ACSL5: variants seen among roughly 807,000 people sequenced by gnomAD.
ACSL5 encodes long-chain-fatty-acid--CoA ligase 5.
Under a neutral mutation model 84.9 loss-of-function variants are expected in ACSL5, and 50 were observed. That is an observed-to-expected ratio of 0.59 (90% CI 0.47 to 0.75). The LOEUF (loss-of-function observed/expected upper bound fraction) is 0.75, where lower values mean the gene tolerates loss of function less well. ACSL5 is among the 30% of genes least tolerant of loss of function. The pLI is 0.00. For missense variants in ACSL5, 775 were observed against 830.4 expected (o/e 0.93, Z 0.82); for synonymous variants, 280 against 300.7 (o/e 0.93, Z 0.71).
chr10:112,388,101 GCTAA>G (rs1362693777), intron 1 of ACSL5, among the ~76,000 whole-genome samples: 1 of 152,076 alleles, frequency 6.6e-6, no homozygotes, highest in Non-Finnish European at 1.5e-5. Context: ...ACCAAGCCCA[GCTAA>G]CTTTTTGTAT....
At chr10:112,424,348 T>A (rs1844588923) in intron 17 of ACSL5, 1 of 152,242 alleles carries the variant, frequency 6.6e-6, no homozygotes, top group African/African-American at 2.4e-5. Context: ...AACTTAAAAC[T>A]CCTTTCTTGC....
In ACSL5 at chr10:112,398,779, C is replaced by T. The variant is rs554892726; in HGVS notation, c.157-122C>T. 1.7e-4 allele frequency: 126 copies of T among 750,542 alleles called. No homozygotes were observed. The African/African-American group carries it at 1.8e-3, about 11-fold the overall frequency. 46.5% of individuals were successfully genotyped at this position (750,542 alleles called of 1,614,324 possible). A position where few individuals can be genotyped will look rare whatever the true frequency, so the allele number is the denominator to read the frequency against. On this transcript the variant is annotated intron_variant, in intron 2 of 20. Coordinates refer to ENST00000354655, the MANE Select transcript of ACSL5 (RefSeq NM_203379.2). ...GGATTTTTAAAAATCAATTGACTAG[C>T]GAAGAGAACATTCCCGTGACCTCAA...
chr10:112,420,534 C>G (rs964281981), intron 14 of ACSL5, among the ~76,000 whole-genome samples: 2 of 152,164 alleles, frequency 1.3e-5, no homozygotes, highest in South Asian at 2.1e-4. Flanking sequence ...TAAAGTTTGC[C>G]CACCCTTGTT....
At chr10:112,387,936 CTTTTTTTTTT>C (rs35032191) in intron 1 of ACSL5, among the ~76,000 whole-genome samples, 1 of 118,448 alleles carries the variant, frequency 8.4e-6, no homozygotes, top group Admixed American at 1.0e-4. Flanking sequence ...TTATTTGTTC[CTTTTTTTTTT>C]TTTTTTTTTG....
At chr10:112,422,106 T>G (rs1428314228) in intron 16 of ACSL5, 71 bp downstream of exon 16, 1 of 1,540,110 alleles carries the variant, frequency 6.5e-7, no homozygotes, top group African/African-American at 1.4e-5. Flanking sequence ...CAAATAATTG[T>G]AAGCAAACTT....
chr10:112,384,683 T>C (rs911019897), intron 1 of ACSL5, among the ~76,000 whole-genome samples: 1 of 152,096 alleles, frequency 6.6e-6, no homozygotes, highest in Non-Finnish European at 1.5e-5. Flanking sequence ...AATTTTTGTA[T>C]TTTTTGTAGA....
chr10:112,398,915 G>A lies in ACSL5; in HGVS notation c.171G>A (p.Lys57=). The A allele has an allele frequency of 6.2e-7, 1 of 1,614,032 alleles. No homozygotes were observed. ...QSVGIEGGAR[K]GVSQKNNDLT... is the part of the protein sequence containing the mutation. ...TTGTGTCTTAGGGAGGAGCACGGAA[G>A]GGGGTTTCCCAGAAGAACAATGACC... Residue 57 remains lysine (K), a synonymous_variant, in exon 3 of 21, where the codon AAG becomes AAA. Coordinates refer to ENST00000354655, the MANE Select transcript of ACSL5 (RefSeq NM_203379.2).
intron 1 of ACSL5, among the ~76,000 whole-genome samples, chr10:112,381,179 C>T (rs2133562652): frequency 6.6e-6 from 1 of 152,300 alleles, no homozygotes; most frequent in South Asian, 2.1e-4. Context: ...TAATGTGCTC[C>T]AGTCTGCACT....
intron 1 of ACSL5, among the ~76,000 whole-genome samples, chr10:112,393,643 T>C (rs1024014603): frequency 1.3e-5 from 2 of 152,248 alleles, no homozygotes; most frequent in African/African-American, 4.8e-5. Context: ...ATGTGTGGCC[T>C]CATCTCTGAG....
In ACSL5 at chr10:112,418,474, C is replaced by T. The variant is rs553602136; in HGVS notation, c.1314+533C>T. On this transcript the variant is annotated intron_variant, in intron 14 of 20. Coordinates refer to ENST00000354655, the MANE Select transcript of ACSL5 (RefSeq NM_203379.2). ...GTGGGCGCCTGTAGTCCCAGCTACT[C>T]GGGAGGCTGAGGCGGGAGAATGGCG... is the stretch of plus-strand genomic sequence containing the variant. Among the ~76,000 whole-genome samples the T allele has an allele frequency of 3.4e-3, 517 of 152,030 alleles. 3 individuals carry two copies. The highest frequency in any genetic ancestry group is 5.4e-3 in the Non-Finnish European group (365 of 67,976).
Position 112,374,215 on chromosome 10 carries a change from G to C in ACSL5, c.-84G>C, listed in dbSNP as rs1849199182. On this transcript the variant is annotated 5_prime_UTR_variant, in exon 1 of 21. Transcript: ENST00000354655. ...CTGAATGTGGTGCTGAATCAATACA[G>C]CCAGCTGTGAGGGGAGCACTTCCTG... is the stretch of plus-strand genomic sequence containing the variant. 1 of 152,240 alleles carries C rather than the reference G, an allele frequency of 6.6e-6. No homozygotes were observed. The highest frequency in any genetic ancestry group is 2.1e-4 in the South Asian group (1 of 4,830). The allele number at this position is 152,240 out of a possible 1,614,324, so 9.4% of individuals were successfully genotyped here.
chr10:112,413,767 A>C (rs1385300474), intron 12 of ACSL5, among the ~76,000 whole-genome samples: 1 of 152,114 alleles, frequency 6.6e-6, no homozygotes, highest in Non-Finnish European at 1.5e-5. Flanking sequence ...AAAATAAATA[A>C]GTGCAATCCC....
intron 13 of ACSL5, 107 bp from the exon 14 acceptor site, chr10:112,417,738 GT>G: frequency 1.2e-6 from 1 of 851,002 alleles, no homozygotes; most frequent in Admixed American, 1.9e-5. Context: ...ATTGATGTCA[GT>G]TTAATTCTCA....
At position 112,409,679 on chromosome 10, in the gene ACSL5, T is replaced by A. The variant is rs1262910174; in HGVS notation, c.705T>A (p.Asp235Glu). The change falls in exon 7 of 21, where the codon GAT becomes GAA. Residue 235 changes from aspartate (D) to glutamate (E), a missense_variant. Coordinates refer to ENST00000354655, the MANE Select transcript of ACSL5 (RefSeq NM_203379.2). Reference sequence around the variant, plus strand: ...GAATTGAGATCTTATCCCTATATGATGCTGAGGTATGGATCTGAAATTTAG... The same window carrying A: ...GAATTGAGATCTTATCCCTATATGAAGCTGAGGTATGGATCTGAAATTTAG... ...KSGIEILSLYDAENLGKEHFR... is the reference protein window; with the variant it reads ...KSGIEILSLYEAENLGKEHFR... 1 of 1,613,990 alleles carries A rather than the reference T, an allele frequency of 6.2e-7. No homozygotes were observed. Among genetic ancestry groups the A allele is most frequent in the Admixed American group, 1.7e-5 (1 of 60,018 alleles).
At chr10:112,404,351 T>C (rs1369257671) in intron 3 of ACSL5, among the ~76,000 whole-genome samples, 160 bp from the exon 4 acceptor site, 1 of 152,230 alleles carries the variant, frequency 6.6e-6, no homozygotes, top group Non-Finnish European at 1.5e-5. Context: ...TTTTGAGGAC[T>C]CAGTGCTTTC....
chr10:112,400,609 A>G (rs970955419), intron 3 of ACSL5, among the ~76,000 whole-genome samples: 1 of 151,822 alleles, frequency 6.6e-6, no homozygotes, highest in Admixed American at 6.6e-5. Flanking sequence ...GGGTTTCACC[A>G]TCTTGGCCAG....
Position 112,410,568 on chromosome 10 carries a change from G to T in ACSL5, c.745-16G>T, listed in dbSNP as rs748066668. 2.5e-6 allele frequency: 4 copies of T among 1,614,024 alleles called. No homozygotes were observed. Among genetic ancestry groups the T allele is most frequent in the Middle Eastern group, 1.6e-4 (1 of 6,084 alleles). On this transcript the variant is annotated splice_polypyrimidine_tract_variant and intron_variant, in intron 8 of 20. Transcript: ENST00000354655. ...AAAGTTCATGGTGGAATAAGCCCTT[G>T]TGCTTCCTCCTCCAGCCTCCTAGCC...
chr10:112,401,258 G>A (rs937116836), intron 3 of ACSL5, among the ~76,000 whole-genome samples: 1 of 152,086 alleles, frequency 6.6e-6, no homozygotes, highest in African/African-American at 2.4e-5. Flanking sequence ...GTCCTATCTG[G>A]GGTTGCATAC....
At chr10:112,410,696 T>C (rs1319538690) in intron 9 of ACSL5, 61 bp downstream of exon 9, 6 of 1,544,378 alleles carry the variant, frequency 3.9e-6, no homozygotes, top group Admixed American at 1.8e-5. Flanking sequence ...GCTTCAATTC[T>C]TGGCCACTGG....
Sources: allele counts gnomAD v4.1 joint callset (sites outside exome capture counted in the v4.1 genomes callset), GRCh38; gene constraint gnomAD v4.1.1; transcripts MANE v1.5; gene names NCBI Gene and HGNC (gene_info 2026-07-23, HGNC 2026-07-21).